MC5R: variants seen among roughly 807,000 people sequenced by gnomAD.
MC5R encodes melanocortin receptor 5.
For missense variants in MC5R, 420 were observed against 431.4 expected, an observed-to-expected ratio of 0.97 and a Z score of 0.23; for synonymous variants, 167 against 164.4, an observed-to-expected ratio of 1.02 and a Z score of -0.12.
rs1327722287 is a variant in MC5R at position 13,826,019 on chromosome 18, T to G, written c.254T>G (p.Val85Gly). 11 of 1,614,082 alleles carry G rather than the reference T, an allele frequency of 6.8e-6. No homozygotes were observed. The highest frequency in any genetic ancestry group is 9.3e-6 in the Non-Finnish European group (11 of 1,179,984). Reference protein sequence around the residue: ...VCSLAVADMLVSMSSAWETIT... With the variant: ...VCSLAVADMLGSMSSAWETIT... ...AGCCTGGCAGTGGCGGACATGCTGG[T>G]GAGCATGTCCAGTGCCTGGGAGACC... Residue 85 changes from valine to glycine, a missense_variant, in exon 2 of 2, where the codon GTG becomes GGG. Physicochemically the swap from Val to Gly is moderately radical, Grantham distance 109. Coordinates refer to ENST00000589410, the MANE Select transcript of MC5R (RefSeq NM_005913.3).
chr18:13,825,424 C>G (rs1365212384), intron 1 of MC5R: 3 of 198,510 alleles, frequency 1.5e-5, no homozygotes, highest in African/African-American at 7.0e-5. Context: ...GTCTCAGGAA[C>G]GCAGGTCAGA....
Position 13,825,867 on chromosome 18 carries a change from A to G in MC5R, c.102A>G (p.Glu34=). The G allele has an allele frequency of 6.2e-7, 1 of 1,614,126 alleles. No individual in the cohort carries two copies. The highest frequency in any genetic ancestry group is 8.5e-7 in the Non-Finnish European group (1 of 1,179,992). The change falls in exon 2 of 2, where the codon GAA becomes GAG. Residue 34 remains glutamate, a synonymous_variant. Transcript: ENST00000589410. The stretch of plus-strand genomic sequence containing the variant: ...TCAAAAACAAGTCTTCACCATGTGA[A>G]GACATGGGCATTGCTGTGGAGGTGT... ...PNVKNKSSPC[E]DMGIAVEVFL...
Position 13,826,911 on chromosome 18 carries a change from A to G in MC5R, c.*168A>G. 6.0e-6 allele frequency: 4 copies of G among 666,790 alleles called. No individual in the cohort carries two copies. Among genetic ancestry groups the G allele is most frequent in the Non-Finnish European group, 7.4e-6 (3 of 404,904 alleles). The allele number at this position is 666,790 out of a possible 1,614,324, so 41.3% of individuals were successfully genotyped here. ...TCAGTTCCTGGTGATTATGTCCAAC[A>G]TGCAAGGGTTGCTTATCCACTCTGG... On this transcript the variant is annotated 3_prime_UTR_variant, in exon 2 of 2. Transcript: ENST00000589410.
Position 13,826,448 on chromosome 18 carries a change from C to T in MC5R, c.683C>T (p.Ala228Val), listed in dbSNP as rs1485593304. 6 of 1,613,768 alleles carry T rather than the reference C, an allele frequency of 3.7e-6. No individual in the cohort carries two copies. The highest frequency in any genetic ancestry group is 1.6e-4 in the Middle Eastern group (1 of 6,062). ...GCGGCTCTGCCCGGGGCCAGCTCTG[C>T]GCGGCAGAGGACCAGCATGCAGGGC... is the stretch of plus-strand genomic sequence containing the variant. ...RIAALPGASS[A>V]RQRTSMQGAV... Residue 228 changes from alanine (A) to valine (V), a missense_variant, in exon 2 of 2, where the codon GCG becomes GTG. Transcript: ENST00000589410.
At position 13,825,825 on chromosome 18, in the gene MC5R, C is replaced by A. The variant is rs546225031; in HGVS notation, c.60C>A (p.Asn20Lys). 1.7e-5 allele frequency: 28 copies of A among 1,609,614 alleles called. No individual in the cohort carries two copies. Among genetic ancestry groups the A allele is most frequent in the South Asian group, 3.3e-5 (3 of 89,656 alleles). Reference protein sequence around the residue: ...LDLNLNATEGNLSGPNVKNKS... With the variant: ...LDLNLNATEGKLSGPNVKNKS... ...TCAACCTGAATGCCACAGAGGGCAA[C>A]CTTTCAGGACCCAATGTCAAAAACA... is the stretch of plus-strand genomic sequence containing the variant. The change falls in exon 2 of 2, where the codon AAC (asparagine) becomes AAA (lysine). Residue 20 changes from asparagine to lysine, a missense_variant. By Grantham distance (94) the Asn-to-Lys change is moderately conservative. Transcript: ENST00000589410.
At position 13,826,049 on chromosome 18, in the gene MC5R, C is replaced by A. The variant is rs760101430; in HGVS notation, c.284C>A (p.Thr95Asn). Residue 95 changes from threonine to asparagine, a missense_variant, in exon 2 of 2, where the codon ACC (threonine) becomes AAC (asparagine). Coordinates refer to ENST00000589410, the MANE Select transcript of MC5R (RefSeq NM_005913.3). ...ATGTCCAGTGCCTGGGAGACCATCA[C>A]CATCTACCTACTCAACAACAAGCAC... ...VSMSSAWETI[T>N]IYLLNNKHLV... The A allele has an allele frequency of 6.2e-7, 1 of 1,614,152 alleles. No homozygotes were observed. Among genetic ancestry groups the A allele is most frequent in the South Asian group, 1.1e-5 (1 of 91,088 alleles).
rs2044935757 is a variant in MC5R, at chr18:13,827,118, C to G, written c.*375C>G. The G allele has an allele frequency of 5.5e-6, 1 of 181,436 alleles. No individual in the cohort carries two copies. The highest frequency in any genetic ancestry group is 2.4e-5 in the African/African-American group (1 of 42,232). 11.2% of individuals were successfully genotyped at this position (181,436 alleles called of 1,614,324 possible). A position where few individuals can be genotyped will look rare whatever the true frequency, so the allele number is the denominator to read the frequency against. On this transcript the variant is annotated 3_prime_UTR_variant, in exon 2 of 2. Transcript: ENST00000589410. The stretch of plus-strand genomic sequence containing the variant: ...TGTGACGCGAAGAAAACCGTGATAT[C>G]GACGCCAGGTGGGATTGCTTCTTCT...
rs1218359610 is a variant in MC5R at position 13,827,244 on chromosome 18, T to A, written c.*501T>A. 1 of 153,568 alleles carries A rather than the reference T, an allele frequency of 6.5e-6. No homozygotes were observed. The highest frequency in any genetic ancestry group is 1.9e-4 in the East Asian group (1 of 5,216). 9.5% of individuals were successfully genotyped at this position (153,568 alleles called of 1,614,324 possible). On this transcript the variant is annotated 3_prime_UTR_variant, in exon 2 of 2. Coordinates refer to ENST00000589410, the MANE Select transcript of MC5R (RefSeq NM_005913.3). ...GATTCTTTCCATCAGAAGCAATCTG[T>A]TCATTTGTTCTGAAATGTCTTCTTT...
In MC5R at chr18:13,826,442, G is replaced by C; in HGVS notation, c.677G>C (p.Ser226Thr). The C allele has an allele frequency of 6.2e-7, 1 of 1,613,812 alleles. No homozygotes were observed. The highest frequency in any genetic ancestry group is 8.5e-7 in the Non-Finnish European group (1 of 1,179,792). The stretch of plus-strand genomic sequence containing the variant: ...CGGATCGCGGCTCTGCCCGGGGCCA[G>C]CTCTGCGCGGCAGAGGACCAGCATG... Reference protein sequence around the residue: ...VKRIAALPGASSARQRTSMQG... With the variant: ...VKRIAALPGATSARQRTSMQG... Residue 226 changes from serine (S) to threonine (T), a missense_variant, in exon 2 of 2, where the codon AGC becomes ACC. Coordinates refer to ENST00000589410, the MANE Select transcript of MC5R (RefSeq NM_005913.3).
chr18:13,826,171 A>C lies in MC5R; in HGVS notation c.406A>C (p.Ile136Leu). ...GGCATCCATGTGCAGCTTACTGGCC[A>C]TTGCAGTGGATAGGTACGTCACCAT... ...VVASMCSLLA[I>L]AVDRYVTIFY... is the part of the protein sequence containing the mutation. Residue 136 changes from isoleucine (I) to leucine (L), a missense_variant, in exon 2 of 2, where the codon ATT becomes CTT. Ile to Leu is a conservative substitution (Grantham distance 5). Coordinates refer to ENST00000589410, the MANE Select transcript of MC5R (RefSeq NM_005913.3). The C allele has an allele frequency of 6.2e-7, 1 of 1,614,138 alleles. No individual in the cohort carries two copies. The highest frequency in any genetic ancestry group is 8.5e-7 in the Non-Finnish European group (1 of 1,180,030).
At position 13,826,655 on chromosome 18, in the gene MC5R, TC is replaced by T. The variant is rs1461816923; in HGVS notation, c.892del (p.Arg298AlafsTer58). ...NSVMDPLIYA[F>X]RSQEMRKTFK... ...GTGATGGACCCTCTCATATATGCCT[TC>T]CGCAGCCAAGAGATGCGGAAGACCT... is the stretch of plus-strand genomic sequence containing the variant. On this transcript the variant is annotated frameshift_variant, in exon 2 of 2. Transcript: ENST00000589410. LOFTEE classifies it low-confidence loss of function (END_TRUNC). 1 of 1,614,082 alleles carries T rather than the reference TC, an allele frequency of 6.2e-7. No homozygotes were observed. The highest frequency in any genetic ancestry group is 8.5e-7 in the Non-Finnish European group (1 of 1,180,014).
intron 1 of MC5R, 49 bp from the exon 2 acceptor site, chr18:13,825,677 TG>T: frequency 8.4e-7 from 1 of 1,188,178 alleles, no homozygotes; most frequent in Non-Finnish European, 1.2e-6. Context: ...TGTCTTTCTT[TG>T]GTAGGCTGCT....
Position 13,826,397 on chromosome 18 carries a change from T to C in MC5R, c.632T>C (p.Leu211Pro). Residue 211 changes from leucine (L) to proline (P), a missense_variant, in exon 2 of 2, where the codon CTG (leucine) becomes CCG (proline). By Grantham distance (98) the Leu-to-Pro change is moderately conservative. Coordinates refer to ENST00000589410, the MANE Select transcript of MC5R (RefSeq NM_005913.3). ...TCTCTGTACATACACATGTTCCTCC[T>C]GGCGCGGACTCACGTCAAGCGGATC... Reference protein sequence around the residue: ...LVSLYIHMFLLARTHVKRIAA... With the variant: ...LVSLYIHMFLPARTHVKRIAA... 1.9e-6 allele frequency: 3 copies of C among 1,614,118 alleles called. No individual in the cohort carries two copies. Among genetic ancestry groups the C allele is most frequent in the Non-Finnish European group, 2.5e-6 (3 of 1,180,006 alleles).
In MC5R at chr18:13,826,441, A is replaced by G. The variant is rs750389475; in HGVS notation, c.676A>G (p.Ser226Gly). 5.6e-6 allele frequency: 9 copies of G among 1,613,744 alleles called. No homozygotes were observed. In the African/African-American group the frequency reaches 1.2e-4, roughly 22 times the overall value. The change falls in exon 2 of 2, where the codon AGC becomes GGC. Residue 226 changes from serine to glycine, a missense_variant. Ser to Gly is a moderately conservative substitution (Grantham distance 56). Transcript: ENST00000589410. The stretch of plus-strand genomic sequence containing the variant: ...GCGGATCGCGGCTCTGCCCGGGGCC[A>G]GCTCTGCGCGGCAGAGGACCAGCAT... ...VKRIAALPGA[S>G]SARQRTSMQG...
At chr18:13,824,835 C>T (rs1054868156) in intron 1 of MC5R, among the ~76,000 whole-genome samples, 8 of 151,412 alleles carry the variant, frequency 5.3e-5, no homozygotes, top group Admixed American at 2.6e-4. Flanking sequence ...TGTGCTCACG[C>T]GGACCTAATA....
chr18:13,825,562 C>CG, intron 1 of MC5R, 165 bp from the exon 2 acceptor site: 2 of 389,598 alleles, frequency 5.1e-6, no homozygotes, highest in Non-Finnish European at 8.5e-6. Context: ...GACCCTGTCT[C>CG]TTAAAAAAAA....
chr18:13,826,588 T>C lies in MC5R; in HGVS notation c.823T>C (p.Ser275Pro). 6.2e-7 allele frequency: 1 copy of C among 1,614,210 alleles called. No individual in the cohort carries two copies. The highest frequency in any genetic ancestry group is 1.1e-5 in the South Asian group (1 of 91,090). ...GAACCTCTACTGCTCTCGCTTCATGTCTCACTTCAATATGTACCTCATACT... is the reference window on the plus strand; with the variant it reads ...GAACCTCTACTGCTCTCGCTTCATGCCTCACTTCAATATGTACCTCATACT... ...PQNLYCSRFM[S>P]HFNMYLILIM... The change falls in exon 2 of 2, where the codon TCT (serine) becomes CCT (proline). Residue 275 changes from serine (S) to proline (P), a missense_variant. Coordinates refer to ENST00000589410, the MANE Select transcript of MC5R (RefSeq NM_005913.3).
Position 13,826,357 on chromosome 18 carries a change from C to G in MC5R, c.592C>G (p.Leu198Val), listed in dbSNP as rs766410640. The G allele has an allele frequency of 1.2e-6, 2 of 1,614,176 alleles. No homozygotes were observed. The highest frequency in any genetic ancestry group is 3.3e-5 in the Admixed American group (2 of 60,020). Residue 198 changes from leucine (L) to valine (V), a missense_variant, in exon 2 of 2, where the codon CTG becomes GTG. Transcript: ENST00000589410. ...LCLISMFFAM[L>V]FLLVSLYIHM... ...CCTCATCTCCATGTTCTTCGCTATGCTGTTCCTCCTGGTGTCTCTGTACAT... is the reference window on the plus strand; with the variant it reads ...CCTCATCTCCATGTTCTTCGCTATGGTGTTCCTCCTGGTGTCTCTGTACAT...
Position 13,825,761 on chromosome 18 carries a change from C to T in MC5R, c.-5C>T. 1 of 1,555,036 alleles carries T rather than the reference C, an allele frequency of 6.4e-7. No homozygotes were observed. The highest frequency in any genetic ancestry group is 8.7e-7 in the Non-Finnish European group (1 of 1,154,450). ...TGCCAAGACAAGAGGTGTATTTCTCCAGCAATGAATTCCTCATTTCACCTG... is the reference window on the plus strand; with the variant it reads ...TGCCAAGACAAGAGGTGTATTTCTCTAGCAATGAATTCCTCATTTCACCTG... On this transcript the variant is annotated 5_prime_UTR_variant, in exon 2 of 2. Transcript: ENST00000589410.
Sources: allele counts gnomAD v4.1 joint callset (sites outside exome capture counted in the v4.1 genomes callset), GRCh38; gene constraint gnomAD v4.1.1; transcripts MANE v1.5; gene names NCBI Gene and HGNC (gene_info 2026-07-23, HGNC 2026-07-21).